Variants in ARHGAP10 observed in about 807,000 individuals in gnomAD.
The protein encoded by ARHGAP10 is Rho GTPase activating protein 10.
Under a neutral mutation model 108.6 loss-of-function variants are expected in ARHGAP10, and 87 were observed. That is an observed-to-expected ratio of 0.80 (90% CI 0.67 to 0.96). The LOEUF is 0.96. Among genes scored for constraint, ARHGAP10 ranks in the 40% least tolerant of loss-of-function variants. The probability of loss-of-function intolerance (pLI) is 0.00; values close to 1 mark genes in which losing one functional copy is unlikely to be tolerated. For synonymous variants in ARHGAP10, 347 were observed against 341.1 expected (o/e 1.02, Z -0.19); for missense variants, 939 against 954.5 (o/e 0.98, Z 0.21).
chr4:147,872,667 T>C (rs1734881586), intron 7 of ARHGAP10, among the ~76,000 whole-genome samples: 1 of 152,232 alleles, frequency 6.6e-6, no homozygotes, highest in Non-Finnish European at 1.5e-5. Flanking sequence ...ATGTATGATA[T>C]ACTGTGTTCT....
chr4:147,821,362 G>A (rs1224296547), intron 1 of ARHGAP10, among the ~76,000 whole-genome samples: 1 of 152,160 alleles, frequency 6.6e-6, no homozygotes, highest in Non-Finnish European at 1.5e-5. Flanking sequence ...GAGGGCTGGA[G>A]GATTGGTCCA....
chr4:147,885,267 C>T (rs941735150), intron 10 of ARHGAP10, among the ~76,000 whole-genome samples: 1 of 152,156 alleles, frequency 6.6e-6, no homozygotes, highest in African/African-American at 2.4e-5. Flanking sequence ...GTTTAATGGA[C>T]TCACAGTTCC....
At chr4:147,909,260 G>A (rs973860398) in intron 11 of ARHGAP10, among the ~76,000 whole-genome samples, 4 of 152,194 alleles carry the variant, frequency 2.6e-5, no homozygotes, top group African/African-American at 4.8e-5. Context: ...GTGGGTGCAC[G>A]GAGCCCCCAT....
chr4:148,049,840 C>T (rs1002138815), intron 20 of ARHGAP10, among the ~76,000 whole-genome samples: 10 of 6,664 alleles, frequency 1.5e-3, no homozygotes, highest in South Asian at 0.014. Flanking sequence ...GGTGGGGGGG[C>T]GGGGGGCGGG....
chr4:147,898,213 A>G (rs1372938235), intron 10 of ARHGAP10, among the ~76,000 whole-genome samples: 1 of 151,872 alleles, frequency 6.6e-6, no homozygotes, highest in Non-Finnish European at 1.5e-5. Flanking sequence ...CAGGTCTGCT[A>G]GAGAAGATTT....
intron 13 of ARHGAP10, among the ~76,000 whole-genome samples, chr4:147,915,945 ATT>A (rs202110380): frequency 2.6e-5 from 4 of 152,084 alleles, no homozygotes; most frequent in African/African-American, 9.7e-5. Context: ...CTGTATAAAA[ATT>A]TTTTTAAAAA....
intron 3 of ARHGAP10, among the ~76,000 whole-genome samples, chr4:147,838,141 A>C (rs1733250867): frequency 6.6e-6 from 1 of 152,196 alleles, no homozygotes; most frequent in Non-Finnish European, 1.5e-5. Flanking sequence ...TAGTATATTC[A>C]TCATGGATAC....
intron 3 of ARHGAP10, among the ~76,000 whole-genome samples, chr4:147,834,461 A>AC (rs1733082576): frequency 6.6e-6 from 1 of 151,978 alleles, no homozygotes; most frequent in East Asian, 1.9e-4. Flanking sequence ...ATAGAGTGAG[A>AC]CCCCATCTCA....
chr4:147,740,554 C>G (rs1728615932), intron 1 of ARHGAP10, among the ~76,000 whole-genome samples: 1 of 151,918 alleles, frequency 6.6e-6, no homozygotes, highest in African/African-American at 2.4e-5. Flanking sequence ...TTTTAAGACC[C>G]CTCTGGGGCC....
At chr4:147,750,999 G>A (rs1282998890) in intron 1 of ARHGAP10, among the ~76,000 whole-genome samples, 1 of 151,184 alleles carries the variant, frequency 6.6e-6, no homozygotes, top group Non-Finnish European at 1.5e-5. Context: ...TCAACATGGT[G>A]AAACCCCATC....
chr4:148,050,573 C>T (rs549249675), intron 20 of ARHGAP10, among the ~76,000 whole-genome samples: 1 of 151,770 alleles, frequency 6.6e-6, no homozygotes, highest in African/African-American at 2.4e-5. Context: ...CGGGGTTTCA[C>T]TGCGTTAGCC....
intron 3 of ARHGAP10, among the ~76,000 whole-genome samples, chr4:147,834,866 C>A (rs1446801697): frequency 6.6e-6 from 1 of 151,796 alleles, no homozygotes; most frequent in Non-Finnish European, 1.5e-5. Context: ...CTGGCTCCCT[C>A]CCCATTTTCT....
intron 10 of ARHGAP10, among the ~76,000 whole-genome samples, chr4:147,899,619 G>A (rs938429349): frequency 1.3e-5 from 2 of 151,800 alleles, no homozygotes; most frequent in Admixed American, 6.6e-5. Flanking sequence ...GTCATTGCTC[G>A]TGTGCTCTAT....
chr4:147,809,961 T>C (rs1396263785), intron 1 of ARHGAP10, among the ~76,000 whole-genome samples: 3 of 152,228 alleles, frequency 2.0e-5, no homozygotes, highest in Non-Finnish European at 4.4e-5. Context: ...TAATATATGC[T>C]AAATTTTAAG....
At chr4:147,954,754 T>C (rs1011829935) in intron 15 of ARHGAP10, among the ~76,000 whole-genome samples, 1 of 152,062 alleles carries the variant, frequency 6.6e-6, no homozygotes, top group Non-Finnish European at 1.5e-5. Context: ...CTACCTTATG[T>C]AACTTGTTTT....
chr4:147,744,250 T>C (rs1195459394), intron 1 of ARHGAP10, among the ~76,000 whole-genome samples: 1 of 151,638 alleles, frequency 6.6e-6, no homozygotes, highest in African/African-American at 2.4e-5. Context: ...CTGCTGAGAG[T>C]GGGGAAGAAG....
intron 7 of ARHGAP10, among the ~76,000 whole-genome samples, chr4:147,870,990 T>C (rs7656471): frequency 0.16 from 24,165 of 147,206 alleles, 2,780 homozygotes; most frequent in African/African-American, 0.33. Flanking sequence ...GATGGAGTCT[T>C]GCTCTGTTGC....
At chr4:147,934,733 C>A (rs961693114) in intron 13 of ARHGAP10, among the ~76,000 whole-genome samples, 1 of 152,118 alleles carries the variant, frequency 6.6e-6, no homozygotes, top group Non-Finnish European at 1.5e-5. Context: ...AGTCGAGGGG[C>A]TGACATGGGA....
rs10024385 is a variant in ARHGAP10 at position 147,806,009 on chromosome 4, A to G, written c.155-16718A>G. Among the ~76,000 whole-genome samples the G allele has an allele frequency of 8.7e-3, 1,319 of 152,256 alleles. 20 individuals are homozygous for G. Among genetic ancestry groups the G allele is most frequent in the African/African-American group, 0.03 (1,259 of 41,558 alleles). On this transcript the variant is annotated intron_variant, in intron 1 of 22. Coordinates refer to ENST00000336498, the MANE Select transcript of ARHGAP10 (RefSeq NM_024605.4). ...GTACTTATACAATATTTTCCACCCAATGAGCCCTTTATTATAATAAAATTT... is the reference window on the plus strand; with the variant it reads ...GTACTTATACAATATTTTCCACCCAGTGAGCCCTTTATTATAATAAAATTT...
Sources: allele counts gnomAD v4.1 joint callset (sites outside exome capture counted in the v4.1 genomes callset), GRCh38; gene constraint gnomAD v4.1.1; transcripts MANE v1.5; gene names NCBI Gene and HGNC (gene_info 2026-07-23, HGNC 2026-07-21).